USP35: variants seen among roughly 807,000 people sequenced by gnomAD.
The protein encoded by USP35 is ubiquitin carboxyl-terminal hydrolase 35.
A neutral mutation model predicts 83.8 loss-of-function variants in USP35; 69 were observed. The observed-to-expected ratio is 0.82, with a 90% confidence interval of 0.68 to 1.01. The LOEUF is 1.01. Ranked by LOEUF, USP35 falls within the 50% of genes least tolerant of loss-of-function variation. The pLI is 0.00. For synonymous variants in USP35, 714 were observed against 589.5 expected (o/e 1.21, Z -3.06); for missense variants, 1,503 against 1,362.5 (o/e 1.10, Z -1.62).
chr11:78,195,505 T>C (rs1863116949), intron 1 of USP35, among the ~76,000 whole-genome samples: 2 of 152,156 alleles, frequency 1.3e-5, no homozygotes, highest in African/African-American at 4.8e-5. Flanking sequence ...CCTCTTGCCC[T>C]TTCTCCACAG....
chr11:78,220,561 A>T, the USP35 span: 1 of 808,668 alleles, frequency 1.2e-6, no homozygotes, highest in Admixed American at 2.9e-5. Flanking sequence ...TGACACATGC[A>T]CCATGCTAAG....
Position 78,210,498 on chromosome 11 carries a change from C to T in USP35, c.2643C>T (p.Ala881=), listed in dbSNP as rs375401180. 68 of 1,614,012 alleles carry T rather than the reference C, an allele frequency of 4.2e-5. No homozygotes were observed. The highest frequency in any genetic ancestry group is 5.1e-5 in the Non-Finnish European group (60 of 1,179,964). The part of the protein sequence containing the change: ...AARPAASLGT[A]DRPEPENQWY... ...GCCCTGCCGCTTCTCTGGGAACTGC[C>T]GATAGGCCAGAGCCCGAGAACCAGT... The change falls in exon 10 of 11, where the codon GCC becomes GCT. Residue 881 remains alanine (A), a synonymous_variant. Transcript: ENST00000529308.
intron 2 of USP35, 62 bp from the exon 3 acceptor site, chr11:78,197,874 G>C: frequency 6.3e-7 from 1 of 1,576,036 alleles, no homozygotes; most frequent in South Asian, 1.2e-5. Flanking sequence ...GCAGGGCATG[G>C]TGTGCTGGGG....
Position 78,210,221 on chromosome 11 carries a change from A to C in USP35, c.2366A>C (p.Gln789Pro). The C allele has an allele frequency of 6.2e-7, 1 of 1,613,800 alleles. No individual in the cohort carries two copies. The highest frequency in any genetic ancestry group is 8.5e-7 in the Non-Finnish European group (1 of 1,179,988). ...RYYCESCASL[Q>P]DAEKVVELSQ... ...TACTGCGAGTCGTGTGCCTCCCTGC[A>C]GGATGCCGAGAAGGTGGTGGAGCTG... The change falls in exon 10 of 11, where the codon CAG (glutamine) becomes CCG (proline). Residue 789 changes from glutamine (Q) to proline (P), a missense_variant. Physicochemically the swap from Gln to Pro is moderately conservative, Grantham distance 76 (BLOSUM62 -1). Transcript: ENST00000529308.
the USP35 span, among the ~76,000 whole-genome samples, chr11:78,230,168 G>A: frequency 7.9e-4 from 121 of 152,340 alleles, no homozygotes; most frequent in Non-Finnish European, 1.3e-3. Context: ...ATAAACAAAC[G>A]TATGTTGCTG....
chr11:78,220,966 G>C, the USP35 span, among the ~76,000 whole-genome samples: 1 of 152,182 alleles, frequency 6.6e-6, no homozygotes, highest in African/African-American at 2.4e-5. Flanking sequence ...CCCCAAAGCA[G>C]CTTGCTCCCC....
rs1316760964 is a variant in USP35 at position 78,213,722 on chromosome 11, TTGATGAAGACAAGGATGA to T, written c.2967_2984del (p.Phe989_Glu995delinsLeu). ...ACATCTCCGCACTGGGGGAGGGGCT[TTGATGAAGACAAGGATGA>T]GGATGAAGGCTCTCCAGGGGGCTGC... is the stretch of plus-strand genomic sequence containing the variant. On this transcript the variant is annotated inframe_deletion, in exon 11 of 11. Transcript: ENST00000529308. 5.2e-6 allele frequency: 8 copies of T among 1,534,020 alleles called. No homozygotes were observed. The highest frequency in any genetic ancestry group is 7.0e-6 in the Non-Finnish European group (8 of 1,150,974).
At chr11:78,199,981 G>A in intron 4 of USP35, 152 bp from the exon 5 acceptor site, 1 of 917,478 alleles carries the variant, frequency 1.1e-6, no homozygotes, top group Non-Finnish European at 1.7e-6. Flanking sequence ...CTCACCATCT[G>A]TCTGTCCATC....
chr11:78,219,525 G>A (rs957088538), downstream of USP35: 33 of 985,048 alleles, frequency 3.4e-5, no homozygotes, highest in African/African-American at 4.9e-4. Flanking sequence ...AGAAGAGCAT[G>A]GCCTCTGCCT....
chr11:78,208,803 G>C (rs1863616330), intron 8 of USP35, 54 bp from the exon 9 acceptor site: 1 of 1,595,104 alleles, frequency 6.3e-7, no homozygotes. Flanking sequence ...GTGCAGAGCT[G>C]GCTGGTGAGT....
rs1863520310 is a variant in USP35, at chr11:78,206,044, T to C, written c.1391+9T>C. On this transcript the variant is annotated intron_variant, in intron 7 of 10. Coordinates refer to ENST00000529308, the MANE Select transcript of USP35 (RefSeq NM_020798.4). ...TTATTCATGGCGTCTGAGTAGGTGC[T>C]GCTTTGGAATTCCCTGTCTGCCCTT... 3 of 1,603,880 alleles carry C rather than the reference T, an allele frequency of 1.9e-6. No homozygotes were observed. Among genetic ancestry groups the C allele is most frequent in the Admixed American group, 3.4e-5 (2 of 59,684 alleles).
At chr11:78,236,684 T>C in the USP35 span, among the ~76,000 whole-genome samples, 91 of 152,350 alleles carry the variant, frequency 6.0e-4, 1 homozygote, top group African/African-American at 2.0e-3. Flanking sequence ...AATGAAGTAC[T>C]GAGTTGTCAA....
the USP35 span, among the ~76,000 whole-genome samples, chr11:78,228,812 A>G: frequency 7.4e-6 from 1 of 135,676 alleles, no homozygotes; most frequent in East Asian, 2.5e-4. Context: ...TAGATAATGT[A>G]GTGCTTAGGG....
In USP35 at chr11:78,208,947, A is replaced by G; in HGVS notation, c.1576A>G (p.Lys526Glu). The part of the protein sequence containing the change: ...GTQQDCSEYL[K>E]YLLDRLHEEE... ...CCAGCAGGACTGCTCGGAGTATCTG[A>G]AGTACCTGCTGGATCGGTAAGGGGG... is the stretch of plus-strand genomic sequence containing the variant. The change falls in exon 9 of 11, where the codon AAG becomes GAG. Residue 526 changes from lysine to glutamate, a missense_variant. Coordinates refer to ENST00000529308, the MANE Select transcript of USP35 (RefSeq NM_020798.4). 6.2e-7 allele frequency: 1 copy of G among 1,614,160 alleles called. No homozygotes were observed. The highest frequency in any genetic ancestry group is 8.5e-7 in the Non-Finnish European group (1 of 1,180,004).
the USP35 span, among the ~76,000 whole-genome samples, chr11:78,235,022 C>T: frequency 3.9e-5 from 6 of 152,096 alleles, no homozygotes; most frequent in East Asian, 5.8e-4. Context: ...CCCGGGCCAC[C>T]GGGAGGGGCT....
the USP35 span, among the ~76,000 whole-genome samples, chr11:78,222,554 T>A: frequency 4.0e-5 from 6 of 148,378 alleles, no homozygotes; most frequent in African/African-American, 1.5e-4. Flanking sequence ...TTAATATTTA[T>A]AAAAATATAT....
chr11:78,191,091 G>T (rs1306284719), intron 1 of USP35, among the ~76,000 whole-genome samples: 2 of 152,202 alleles, frequency 1.3e-5, no homozygotes, highest in East Asian at 3.9e-4. Flanking sequence ...GAGAGACCAA[G>T]GAGGGATGAT....
intron 6 of USP35, among the ~76,000 whole-genome samples, chr11:78,202,733 A>G (rs1447504138): frequency 6.6e-6 from 1 of 152,228 alleles, no homozygotes; most frequent in Non-Finnish European, 1.5e-5. Context: ...ATGATAGGTC[A>G]TGAGCCCCCG....
chr11:78,220,267 G>A, the USP35 span: 17 of 1,604,498 alleles, frequency 1.1e-5, no homozygotes, highest in South Asian at 5.5e-5. Flanking sequence ...CATGATCTCT[G>A]CCTCCGGGAC....
Sources: gnomAD v4.1 joint callset for allele counts (sites outside exome capture counted in the v4.1 genomes callset) on GRCh38, gnomAD v4.1.1 for gene constraint, MANE v1.5 for transcripts, NCBI Gene and HGNC (gene_info 2026-07-23, HGNC 2026-07-21) for gene names.